Variants in STAG1 observed in about 807,000 individuals in gnomAD.
STAG1 encodes STAG1 cohesin complex component.
STAG1 carries 26 observed loss-of-function variants against 170.9 expected under a neutral mutation model. The observed-to-expected ratio is 0.15, with a 90% CI of 0.11 to 0.21. The LOEUF is 0.21. Ranked by LOEUF, STAG1 falls within the 10% of genes least tolerant of loss-of-function variation. The pLI is 1.00. For synonymous variants in STAG1, 514 were observed against 497.7 expected (o/e 1.03, Z -0.44); for missense variants, 964 against 1,509.5 (o/e 0.64, Z 5.99).
In STAG1 at chr3:136,432,610, G is replaced by C. The variant is rs368677008; in HGVS notation, c.1650+946C>G. On this transcript the variant is annotated intron_variant, in intron 16 of 33. Transcript: ENST00000383202. ...GCAACCTCTGCCTCTGGGTTCAAGT[G>C]ATTCTCCTGCTTCAGCCTCTCGAGT... Among the ~76,000 whole-genome samples, 296 of 151,840 alleles carry C rather than the reference G, an allele frequency of 1.9e-3. 2 individuals are homozygous for C. Among genetic ancestry groups the C allele is most frequent in the African/African-American group, 6.7e-3 (279 of 41,418 alleles).
At chr3:136,488,342 T>G (rs1448870388) in intron 9 of STAG1, among the ~76,000 whole-genome samples, 2 of 152,168 alleles carry the variant, frequency 1.3e-5, no homozygotes, top group Admixed American at 1.3e-4. Context: ...AGGCTGGTCT[T>G]GAACTCCTGA....
chr3:136,374,244 T>A (rs1301891020), intron 23 of STAG1, among the ~76,000 whole-genome samples: 2 of 152,154 alleles, frequency 1.3e-5, no homozygotes, highest in African/African-American at 4.8e-5. Context: ...TGCCTGCATG[T>A]GAGATGGGTT....
At chr3:136,547,422 G>GT (rs1451223231) in intron 5 of STAG1, among the ~76,000 whole-genome samples, 2 of 152,128 alleles carry the variant, frequency 1.3e-5, no homozygotes, top group Non-Finnish European at 2.9e-5. Context: ...TTCTCAGACT[G>GT]TTTATCTCTA....
intron 10 of STAG1, among the ~76,000 whole-genome samples, chr3:136,475,136 TCC>T (rs754645530): frequency 7.7e-6 from 1 of 130,632 alleles, no homozygotes; most frequent in South Asian, 2.5e-4. Flanking sequence ...TTTTATAGGT[TCC>T]TTTTTTTTTT....
intron 20 of STAG1, among the ~76,000 whole-genome samples, chr3:136,418,343 G>A (rs182523196): frequency 1.4e-3 from 137 of 96,242 alleles, no homozygotes; most frequent in African/African-American, 5.7e-3. Context: ...CTGGGTAACT[G>A]AGCAAGACTC....
At chr3:136,691,556 G>A (rs1288441533) in intron 1 of STAG1, among the ~76,000 whole-genome samples, 1 of 152,164 alleles carries the variant, frequency 6.6e-6, no homozygotes, top group East Asian at 1.9e-4. Flanking sequence ...TCAAAGAAAA[G>A]TTTGGTGTCC....
rs548675100 is a variant in STAG1, at chr3:136,423,277, A to G, written c.1651-233T>C. ...ATTTGTTTATGTCAAATAAAAATATATACATATTAATAAAACCATAGTTAC... is the reference window on the plus strand; with the variant it reads ...ATTTGTTTATGTCAAATAAAAATATGTACATATTAATAAAACCATAGTTAC... On this transcript the variant is annotated intron_variant, in intron 16 of 33. Coordinates refer to ENST00000383202, the MANE Select transcript of STAG1 (RefSeq NM_005862.3). Among the ~76,000 whole-genome samples the G allele has an allele frequency of 9.8e-5, 15 of 152,310 alleles. No homozygotes were observed. In the South Asian group the frequency reaches 2.9e-3, roughly 29 times the overall value.
At chr3:136,524,533 A>G (rs997887462) in intron 6 of STAG1, among the ~76,000 whole-genome samples, 32 of 152,204 alleles carry the variant, frequency 2.1e-4, no homozygotes, top group Non-Finnish European at 3.5e-4. Context: ...CAATCCTGTC[A>G]TCTGCAAACA....
chr3:136,729,570 C>CTTT lies in STAG1; in HGVS notation c.-84+22622_-84+22624dup, dbSNP rs34078029. Reference sequence around the variant, plus strand: ...AATATCTACAACATCTGTAGTTTTCCTTTTTTTTTTTTTTTTTTTTTTGAG... The same window carrying CTTT: ...AATATCTACAACATCTGTAGTTTTCCTTTTTTTTTTTTTTTTTTTTTTTTTGAG... On this transcript the variant is annotated intron_variant, in intron 1 of 33. Transcript: ENST00000383202. Among the ~76,000 whole-genome samples, 22 of 94,634 alleles carry CTTT rather than the reference C, an allele frequency of 2.3e-4. 1 individual carries two copies. The East Asian group carries it at 3.5e-3, about 15-fold the overall frequency. 62.1% of individuals were successfully genotyped at this position (94,634 alleles called of 152,430 possible). A position where few individuals can be genotyped will look rare whatever the true frequency, so the allele number is the denominator to read the frequency against.
intron 20 of STAG1, among the ~76,000 whole-genome samples, chr3:136,418,720 C>T (rs1159990047): frequency 6.6e-6 from 1 of 151,906 alleles, no homozygotes; most frequent in Non-Finnish European, 1.5e-5. Flanking sequence ...TGGCTCACTG[C>T]AACCTCCGCC....
intron 5 of STAG1, among the ~76,000 whole-genome samples, chr3:136,549,828 G>A (rs1223451379): frequency 6.6e-6 from 1 of 151,966 alleles, no homozygotes; most frequent in East Asian, 1.9e-4. Flanking sequence ...GGCCATTATT[G>A]TGTTCTATTT....
At chr3:136,449,900 C>CTTTTT (rs34077581) in intron 14 of STAG1, among the ~76,000 whole-genome samples, 1 of 126,558 alleles carries the variant, frequency 7.9e-6, no homozygotes, top group African/African-American at 2.9e-5. Flanking sequence ...ACTATTGTTG[C>CTTTTT]TTTTTTTTTT....
intron 13 of STAG1, among the ~76,000 whole-genome samples, chr3:136,457,111 G>A (rs908593484): frequency 5.9e-5 from 9 of 152,216 alleles, no homozygotes; most frequent in Admixed American, 1.3e-4. Context: ...GAAAATGTCC[G>A]GGGTCCAGGG....
chr3:136,500,880 T>C (rs1381711700), intron 8 of STAG1, among the ~76,000 whole-genome samples: 2 of 152,140 alleles, frequency 1.3e-5, no homozygotes, highest in Admixed American at 1.3e-4. Context: ...GCAACAAAAC[T>C]GATCAGAGTT....
At chr3:136,352,172 A>AT (rs1371604729) in intron 28 of STAG1, among the ~76,000 whole-genome samples, 3 of 151,958 alleles carry the variant, frequency 2.0e-5, no homozygotes, top group African/African-American at 7.3e-5. Context: ...TTATTTATTT[A>AT]TTTTTTTGAG....
chr3:136,544,998 T>C (rs1290306494), intron 5 of STAG1, among the ~76,000 whole-genome samples: 1 of 152,182 alleles, frequency 6.6e-6, no homozygotes, highest in Non-Finnish European at 1.5e-5. Context: ...GTACTAGAGA[T>C]AATCCAAGCA....
At chr3:136,477,474 C>T (rs1421537948) in intron 9 of STAG1, 62 bp from the exon 10 acceptor site, 74 of 1,409,376 alleles carry the variant, frequency 5.3e-5, no homozygotes, top group Non-Finnish European at 5.8e-5. Context: ...CATTCATACT[C>T]GCTTTCCATA....
intron 15 of STAG1, among the ~76,000 whole-genome samples, chr3:136,434,693 G>A (rs2107748776): frequency 6.6e-6 from 1 of 152,176 alleles, no homozygotes. Context: ...TTGTTTTATG[G>A]CTTCCAGGTT....
At chr3:136,440,198 C>T (rs1035646410) in intron 15 of STAG1, among the ~76,000 whole-genome samples, 7 of 152,060 alleles carry the variant, frequency 4.6e-5, no homozygotes, top group Admixed American at 1.3e-4. Flanking sequence ...AGGGCAGTGG[C>T]GCAATCCTGG....
Sources: allele counts gnomAD v4.1 joint callset (sites outside exome capture counted in the v4.1 genomes callset), GRCh38; gene constraint gnomAD v4.1.1; transcripts MANE v1.5; gene names NCBI Gene and HGNC (gene_info 2026-07-23, HGNC 2026-07-21).